TNS1: variants seen among roughly 807,000 people sequenced by gnomAD.
The protein encoded by TNS1 is tensin 1, also known as tensin-1.
TNS1 carries 62 observed loss-of-function variants against 168.6 expected under a neutral mutation model. The observed-to-expected ratio is 0.37, with a 90% CI of 0.30 to 0.45. The LOEUF (loss-of-function observed/expected upper bound fraction) is 0.45, where lower values mean the gene tolerates loss of function less well. TNS1 is among the 20% of genes least tolerant of loss of function. The pLI is 1.00. For synonymous variants in TNS1, 934 were observed against 933.2 expected (o/e 1.00, Z -0.02); for missense variants, 2,240 against 2,339.4 (o/e 0.96, Z 0.88).
At chr2:217,993,426 A>G (rs1958414392) in intron 1 of TNS1, among the ~76,000 whole-genome samples, 1 of 152,240 alleles carries the variant, frequency 6.6e-6, no homozygotes, top group African/African-American at 2.4e-5. Flanking sequence ...TGGGATGATG[A>G]AGCCAAGCTG....
Position 217,848,268 on chromosome 2 carries a change from G to C in TNS1, c.2249C>G (p.Ala750Gly). Reference sequence around the variant, plus strand: ...CGGAGCTGGGGGCAGCTGGGGTTCAGCTTCCGAAAAGGATTGAGAGCGGAA... The same window carrying C: ...CGGAGCTGGGGGCAGCTGGGGTTCACCTTCCGAAAAGGATTGAGAGCGGAA... ...GMFRSQSFSE[A>G]EPQLPPAPVR... Residue 750 changes from alanine to glycine, a missense_variant, in exon 19 of 33, where the codon GCT becomes GGT. Coordinates refer to ENST00000682258, the MANE Select transcript of TNS1 (RefSeq NM_001387777.1). 1 of 1,550,394 alleles carries C rather than the reference G, an allele frequency of 6.4e-7. No individual in the cohort carries two copies. The highest frequency in any genetic ancestry group is 8.7e-7 in the Non-Finnish European group (1 of 1,147,878).
rs565042154 is a variant in TNS1, at chr2:217,895,784, G to A, written c.544-728C>T. Among the ~76,000 whole-genome samples the A allele has an allele frequency of 2.0e-5, 3 of 152,260 alleles. No homozygotes were observed. The South Asian group carries it at 6.2e-4, about 32-fold the overall frequency. ...ATTCCTGCCTCTACCTCCGAGGGGG[G>A]CATGCAGAACTTCCCACCTCCACCC... On this transcript the variant is annotated intron_variant, in intron 8 of 32. Coordinates refer to ENST00000682258, the MANE Select transcript of TNS1 (RefSeq NM_001387777.1).
chr2:217,964,522 C>T (rs1258135448), intron 3 of TNS1, among the ~76,000 whole-genome samples: 1 of 152,192 alleles, frequency 6.6e-6, no homozygotes, highest in South Asian at 2.1e-4. Context: ...CTCCTCTGTG[C>T]CCTAGCGATT....
chr2:217,920,117 G>A lies in TNS1; in HGVS notation c.228+78C>T, dbSNP rs113976264. 8.2e-4 allele frequency: 578 copies of A among 702,792 alleles called. 3 individuals are homozygous for A. The highest frequency in any genetic ancestry group is 7.8e-3 in the African/African-American group (445 of 57,382). 43.5% of individuals were successfully genotyped at this position (702,792 alleles called of 1,614,324 possible). On this transcript the variant is annotated intron_variant, in intron 4 of 32. Coordinates refer to ENST00000682258, the MANE Select transcript of TNS1 (RefSeq NM_001387777.1). ...ACACCCCAGTTACCAACATATTTGG[G>A]TCTAAAGAAAGCTGCAGCTGGGAGC... is the stretch of plus-strand genomic sequence containing the variant.
intron 3 of TNS1, among the ~76,000 whole-genome samples, chr2:217,933,625 A>G (rs1005349022): frequency 2.6e-5 from 4 of 152,150 alleles, no homozygotes; most frequent in African/African-American, 9.7e-5. Flanking sequence ...GCCAGCAGAG[A>G]TGGGGGGAAC....
chr2:218,033,173 ACCT>A lies in TNS1; in HGVS notation c.156+644_156+646del, dbSNP rs1958913150. Among the ~76,000 whole-genome samples, 2 of 151,512 alleles carry A rather than the reference ACCT, an allele frequency of 1.3e-5. No homozygotes were observed. The highest frequency in any genetic ancestry group is 2.9e-5 in the Non-Finnish European group (2 of 67,850). On this transcript the variant is annotated intron_variant, in intron 1 of 1. Transcript: ENST00000649572. This position sits in a 1 kb window ranked among gnomAD's most constrained non-coding sequence, Gnocchi z 4.3. The stretch of plus-strand genomic sequence containing the variant: ...TTACCCATCCCTGGTGACCCCAAAC[ACCT>A]CCTCCTACTCTCCCAGGAAGAAACC...
chr2:217,992,239 G>C (rs934921753), intron 1 of TNS1, among the ~76,000 whole-genome samples: 1 of 152,138 alleles, frequency 6.6e-6, no homozygotes, highest in African/African-American at 2.4e-5. Context: ...GCAAGACACA[G>C]ACACCAGCAG....
intron 19 of TNS1, chr2:217,842,283 A>G (rs769614473): frequency 5.3e-6 from 3 of 561,978 alleles, no homozygotes; most frequent in Non-Finnish European, 9.5e-6. Context: ...TGACTCATTT[A>G]TCCAACCACT....
chr2:217,828,554 C>T (rs1462243279), intron 22 of TNS1, among the ~76,000 whole-genome samples: 2 of 152,230 alleles, frequency 1.3e-5, no homozygotes, highest in Non-Finnish European at 2.9e-5. Flanking sequence ...CAGAACCACA[C>T]CCTGGCCTCC....
At chr2:217,966,989 A>T (rs1344078418) in intron 3 of TNS1, among the ~76,000 whole-genome samples, 1 of 152,196 alleles carries the variant, frequency 6.6e-6, no homozygotes. Context: ...AAATGAGAAG[A>T]GTGTCACGTA....
intron 3 of TNS1, among the ~76,000 whole-genome samples, chr2:217,921,473 G>T (rs1015305942): frequency 6.6e-6 from 1 of 152,302 alleles, no homozygotes; most frequent in South Asian, 2.1e-4. Flanking sequence ...CCAGCTGACC[G>T]CATGCTGTCA....
intron 29 of TNS1, 24 bp from the exon 30 acceptor site, chr2:217,810,015 G>T (rs764420857): frequency 3.1e-6 from 5 of 1,606,960 alleles, no homozygotes; most frequent in Non-Finnish European, 4.3e-6. Flanking sequence ...ACCCAAGGGG[G>T]AGTCATGGGA....
intron 18 of TNS1, among the ~76,000 whole-genome samples, chr2:217,866,459 C>T (rs924124763): frequency 4.6e-5 from 7 of 152,070 alleles, no homozygotes; most frequent in Non-Finnish European, 1.0e-4. Flanking sequence ...TTGTCTGAGG[C>T]TATTTCTGCA....
chr2:217,949,308 G>A (rs1388752201), intron 3 of TNS1, among the ~76,000 whole-genome samples: 1 of 152,242 alleles, frequency 6.6e-6, no homozygotes, highest in African/African-American at 2.4e-5. Context: ...CCCCTGAGAA[G>A]CATAATTTTA....
intron 3 of TNS1, among the ~76,000 whole-genome samples, chr2:217,920,563 ATTTT>A (rs35026780): frequency 5.9e-5 from 8 of 135,922 alleles, no homozygotes; most frequent in Admixed American, 7.5e-5. Context: ...AAGAAGAAGG[ATTTT>A]TTTTTTTTTT....
intron 2 of TNS1, chr2:217,987,079 T>C (rs1424026426): frequency 2.6e-5 from 4 of 152,164 alleles, no homozygotes; most frequent in Non-Finnish European, 4.4e-5. Flanking sequence ...GAGGCCTGAG[T>C]TATTAATTGA....
intron 2 of TNS1, among the ~76,000 whole-genome samples, chr2:217,981,028 C>T (rs899795447): frequency 6.6e-6 from 1 of 152,198 alleles, no homozygotes; most frequent in Non-Finnish European, 1.5e-5. Flanking sequence ...TCTGAAGTTG[C>T]CCTGGGTAAC....
chr2:217,926,728 G>A (rs1478046768), intron 3 of TNS1, among the ~76,000 whole-genome samples: 1 of 152,194 alleles, frequency 6.6e-6, no homozygotes, highest in Non-Finnish European at 1.5e-5. Flanking sequence ...TGTATACATC[G>A]CTTCACTCCT....
Position 218,000,969 on chromosome 2 carries a change from C to T in TNS1, c.33+1871G>A, listed in dbSNP as rs145346085. Among the ~76,000 whole-genome samples, 545 of 152,128 alleles carry T rather than the reference C, an allele frequency of 3.6e-3. 5 individuals are homozygous for T. Among genetic ancestry groups the T allele is most frequent in the African/African-American group, 0.012 (517 of 41,512 alleles). On this transcript the variant is annotated intron_variant, in intron 1 of 32. Coordinates refer to ENST00000682258, the MANE Select transcript of TNS1 (RefSeq NM_001387777.1). The stretch of plus-strand genomic sequence containing the variant: ...GAGTTCGAGGCCAGCCTGGCCAACA[C>T]GATGAAACCCCATCTCTACTAAAAA...
Sources: gnomAD v4.1 joint callset for allele counts (sites outside exome capture counted in the v4.1 genomes callset) on GRCh38, gnomAD v4.1.1 for gene constraint, Gnocchi (gnomAD v3.1) non-coding constraint, MANE v1.5 for transcripts, NCBI Gene and HGNC (gene_info 2026-07-23, HGNC 2026-07-21) for gene names.